The following ITCH variants were observed in gnomAD, a reference collection of about 807,000 sequenced individuals.
The protein encoded by ITCH is itchy E3 ubiquitin protein ligase.
ITCH carries 28 observed loss-of-function variants against 126.8 expected under a neutral mutation model. The observed-to-expected ratio is 0.22, with a 90% CI of 0.16 to 0.30. ITCH has a LOEUF of 0.30. Among genes scored for constraint, ITCH ranks in the 10% least tolerant of loss-of-function variants. The pLI is 1.00. For synonymous variants in ITCH, 342 were observed against 340.0 expected (o/e 1.01, Z -0.06); for missense variants, 631 against 1,032.4 (o/e 0.61, Z 5.33).
chr20:34,384,658 CTTT>C (rs5841172), intron 2 of ITCH, among the ~76,000 whole-genome samples: 6 of 71,080 alleles, frequency 8.4e-5, no homozygotes, highest in Admixed American at 1.7e-4. Context: ...ATATTAGGGT[CTTT>C]TTTTTTTTTT....
At chr20:34,386,309 C>G (rs1379226020) in intron 2 of ITCH, among the ~76,000 whole-genome samples, 1 of 152,044 alleles carries the variant, frequency 6.6e-6, no homozygotes, top group African/African-American at 2.4e-5. Context: ...TAAAAATGTT[C>G]CTGTGTTCCT....
chr20:34,426,255 G>A (rs1010304018), intron 7 of ITCH, among the ~76,000 whole-genome samples: 1 of 152,218 alleles, frequency 6.6e-6, no homozygotes, highest in African/African-American at 2.4e-5. Context: ...AACGAGAAAA[G>A]TAATGTCACA....
At chr20:34,367,512 T>C (rs1418636440) in intron 1 of ITCH, among the ~76,000 whole-genome samples, 1 of 152,152 alleles carries the variant, frequency 6.6e-6, no homozygotes, top group African/African-American at 2.4e-5. Flanking sequence ...TAATGGCAAA[T>C]ATATTTTGGT....
intron 24 of ITCH, among the ~76,000 whole-genome samples, 183 bp downstream of exon 24, chr20:34,504,586 A>G (rs1486316484): frequency 6.8e-6 from 1 of 147,586 alleles, no homozygotes; most frequent in African/African-American, 2.5e-5. Flanking sequence ...TTTGCAATCA[A>G]TTCCTTTTTT....
chr20:34,475,892 A>G, intron 16 of ITCH: 1 of 1,027,728 alleles, frequency 9.7e-7, no homozygotes, highest in South Asian at 1.3e-5. Context: ...AAATAGGTAA[A>G]ATTCCATGAA....
chr20:34,429,287 A>G (rs1302985883), intron 7 of ITCH, among the ~76,000 whole-genome samples: 4 of 152,148 alleles, frequency 2.6e-5, no homozygotes, highest in African/African-American at 9.7e-5. Context: ...TCCACTGACA[A>G]TTCTGTATAC....
At chr20:34,387,466 A>G (rs1379352882) in intron 2 of ITCH, among the ~76,000 whole-genome samples, 3 of 152,010 alleles carry the variant, frequency 2.0e-5, no homozygotes, top group African/African-American at 7.2e-5. Context: ...CCCTGTCTCT[A>G]TCTCCCTGTA....
chr20:34,392,527 G>A (rs990815923), intron 2 of ITCH, among the ~76,000 whole-genome samples: 7 of 152,254 alleles, frequency 4.6e-5, no homozygotes, highest in Admixed American at 4.6e-4. Flanking sequence ...GCAGAATTGA[G>A]AAGCCATCAT....
At chr20:34,368,573 T>A (rs1045810645) in intron 1 of ITCH, among the ~76,000 whole-genome samples, 2 of 152,184 alleles carry the variant, frequency 1.3e-5, no homozygotes, top group African/African-American at 4.8e-5. Context: ...TGCAGCATTC[T>A]CTGGTTGGGA....
intron 2 of ITCH, among the ~76,000 whole-genome samples, chr20:34,384,974 T>C (rs769251493): frequency 3.3e-5 from 5 of 151,974 alleles, no homozygotes; most frequent in Non-Finnish European, 7.4e-5. Context: ...TAGGGTCTTA[T>C]ATTTTGAGAA....
intron 14 of ITCH, among the ~76,000 whole-genome samples, chr20:34,464,299 T>C (rs1172231111): frequency 6.6e-6 from 1 of 151,240 alleles, no homozygotes; most frequent in Non-Finnish European, 1.5e-5. Flanking sequence ...GTTTTTTCTT[T>C]TTTTTTTTTT....
rs574971801 is a variant in ITCH, at chr20:34,388,984, A to G, written c.-21-4807A>G. On this transcript the variant is annotated intron_variant, in intron 2 of 24. Transcript: ENST00000374864. ...AAATGAAAATCTAAGAGAGACCCATAATATAAATACAATCATCCCTTGGTA... is the reference window on the plus strand; with the variant it reads ...AAATGAAAATCTAAGAGAGACCCATGATATAAATACAATCATCCCTTGGTA... Among the ~76,000 whole-genome samples, 472 of 152,204 alleles carry G rather than the reference A, an allele frequency of 3.1e-3. 2 individuals are homozygous for G. Among genetic ancestry groups the G allele is most frequent in the Non-Finnish European group, 4.3e-3 (294 of 68,004 alleles).
intron 5 of ITCH, 75 bp downstream of exon 5, chr20:34,412,714 A>C: frequency 8.3e-7 from 1 of 1,203,106 alleles, no homozygotes; most frequent in Non-Finnish European, 1.2e-6. Flanking sequence ...TCAAACATGC[A>C]TAATGACTCA....
chr20:34,394,967 C>A (rs573873782), intron 3 of ITCH, among the ~76,000 whole-genome samples: 1 of 152,178 alleles, frequency 6.6e-6, no homozygotes, highest in Non-Finnish European at 1.5e-5. Flanking sequence ...CACGGTGGCT[C>A]ACACCTGTAA....
At chr20:34,382,428 A>G (rs890360351) in intron 2 of ITCH, among the ~76,000 whole-genome samples, 2 of 152,154 alleles carry the variant, frequency 1.3e-5, no homozygotes, top group Non-Finnish European at 2.9e-5. Context: ...TTTTCTTGAG[A>G]TGGAGTCTCG....
chr20:34,364,265 C>A (rs994839253), intron 1 of ITCH, among the ~76,000 whole-genome samples: 1 of 152,096 alleles, frequency 6.6e-6, no homozygotes, highest in African/African-American at 2.4e-5. Flanking sequence ...TGGTTGTATT[C>A]GTATCCTAAT....
intron 21 of ITCH, among the ~76,000 whole-genome samples, chr20:34,489,607 A>G (rs1019095181): frequency 6.6e-6 from 1 of 152,154 alleles, no homozygotes; most frequent in African/African-American, 2.4e-5. Flanking sequence ...CTTCTCTACA[A>G]TTGAGTGACT....
rs1473373153 is a variant in ITCH at position 34,364,953 on chromosome 20, A to C, written c.-99+1604A>C. Among the ~76,000 whole-genome samples, 3 of 151,188 alleles carry C rather than the reference A, an allele frequency of 2.0e-5. No individual in the cohort carries two copies. The East Asian group carries it at 5.8e-4, about 29-fold the overall frequency. On this transcript the variant is annotated intron_variant, in intron 1 of 24. Transcript: ENST00000374864. ...GGTGGCTCACGCCTGTAATCCCAGC[A>C]ATTTGGGAGGCCGAGGTGGGCGGAT...
intron 13 of ITCH, 81 bp downstream of exon 13, chr20:34,457,555 A>C: frequency 3.0e-6 from 3 of 1,004,712 alleles, no homozygotes; most frequent in South Asian, 1.4e-5. Context: ...CAAAGTTCAT[A>C]TTCTTTTGCC....
Sources: allele counts gnomAD v4.1 joint callset (sites outside exome capture counted in the v4.1 genomes callset), GRCh38; gene constraint gnomAD v4.1.1; transcripts MANE v1.5; gene names NCBI Gene and HGNC (gene_info 2026-07-23, HGNC 2026-07-21).